NIPAL3: variants seen among roughly 807,000 people sequenced by gnomAD.
NIPAL3 encodes the protein NIPA like domain containing 3.
In NIPAL3, 41 loss-of-function variants were observed where a neutral mutation model predicts 47.2. The observed-to-expected ratio is 0.87, with a 90% confidence interval of 0.68 to 1.13. The LOEUF (loss-of-function observed/expected upper bound fraction) is 1.13, where lower values mean the gene tolerates loss of function less well. Ranked by LOEUF, NIPAL3 falls within the 50% of genes most tolerant of loss-of-function variation. NIPAL3 has a pLI of 0.00. For synonymous variants in NIPAL3, 194 were observed against 209.6 expected, an observed-to-expected ratio of 0.93 and a Z score of 0.64; for missense variants, 449 against 530.1, an observed-to-expected ratio of 0.85 and a Z score of 1.50.
intron 10 of NIPAL3, among the ~76,000 whole-genome samples, chr1:24,461,499 G>A (rs898358843): frequency 4.7e-5 from 7 of 149,016 alleles, no homozygotes; most frequent in East Asian, 2.0e-4. Flanking sequence ...CCGAGATTGC[G>A]CCATTGCAGT....
intron 11 of NIPAL3, chr1:24,466,163 G>T: frequency 6.8e-7 from 1 of 1,468,058 alleles, no homozygotes; most frequent in Admixed American, 2.0e-5. Flanking sequence ...AACTAGCCTG[G>T]CACTCTCAGC....
intron 5 of NIPAL3, among the ~76,000 whole-genome samples, chr1:24,446,089 TG>T (rs1557515005): frequency 1.6e-5 from 2 of 128,354 alleles, no homozygotes; most frequent in Non-Finnish European, 3.0e-5. Context: ...TGTGTGTGTG[TG>T]TGTGTGTGTG....
chr1:24,419,670 G>C, intron 2 of NIPAL3, 30 bp downstream of exon 2: 1 of 1,598,930 alleles, frequency 6.3e-7, no homozygotes, highest in Non-Finnish European at 8.6e-7. Context: ...TTGGGAATTT[G>C]TATTTTCCTA....
intron 10 of NIPAL3, 66 bp from the exon 11 acceptor site, chr1:24,463,960 G>C: frequency 7.2e-7 from 1 of 1,384,108 alleles, no homozygotes; most frequent in Non-Finnish European, 1.0e-6. Context: ...ACCTGAGCCT[G>C]AAAGTGTGCC....
At position 24,471,634 on chromosome 1, in the gene NIPAL3, A is replaced by G. The variant is rs1158448472; in HGVS notation, c.*2449A>G. The G allele has an allele frequency of 2.0e-5, 3 of 150,982 alleles. No homozygotes were observed. The highest frequency in any genetic ancestry group is 4.4e-5 in the Non-Finnish European group (3 of 68,032). The allele number at this position is 150,982 out of a possible 1,614,324, so 9.4% of individuals were successfully genotyped here. A position where few individuals can be genotyped will look rare whatever the true frequency, so the allele number is the denominator to read the frequency against. ...GGAGGCCGAATCATGGAGGGTCTTG[A>G]ATACCTGGCTAAGGAGTTTAAAGTG... On this transcript the variant is annotated 3_prime_UTR_variant, in exon 12 of 12. Transcript: ENST00000374399.
intron 11 of NIPAL3, among the ~76,000 whole-genome samples, chr1:24,467,520 C>G (rs115998709): frequency 0.021 from 3,267 of 152,170 alleles, 115 homozygotes; most frequent in African/African-American, 0.074. Flanking sequence ...CAAGTTGAAA[C>G]CCCCGAGTTT....
In NIPAL3 at chr1:24,454,294, G is replaced by A. The variant is rs934801113; in HGVS notation, c.637+790G>A. The A allele has an allele frequency of 1.7e-6, 2 of 1,162,690 alleles. No individual in the cohort carries two copies. The highest frequency in any genetic ancestry group is 2.1e-6 in the Non-Finnish European group (2 of 930,990). The allele number at this position is 1,162,690 out of a possible 1,614,324, so 72.0% of individuals were successfully genotyped here. A position where few individuals can be genotyped will look rare whatever the true frequency, so the allele number is the denominator to read the frequency against. On this transcript the variant is annotated intron_variant, in intron 7 of 11. Transcript: ENST00000374399. This position sits in a 1 kb window ranked among gnomAD's most constrained non-coding sequence, Gnocchi z 4.1. ...GGAGCAGGCTGGTGTCAGGGCTGGTGAAGCCTGCTACCGCGCTGCTCTTGA... is the reference window on the plus strand; with the variant it reads ...GGAGCAGGCTGGTGTCAGGGCTGGTAAAGCCTGCTACCGCGCTGCTCTTGA...
rs368324838 is a variant in NIPAL3 at position 24,441,298 on chromosome 1, C to A, written c.163-757C>A. ...ATGTTTCTGTGTGTCGCTGAGACCA[C>A]GTGGTCTCTTAGCTACTTGTCTGGT... On this transcript the variant is annotated intron_variant, in intron 3 of 11. Coordinates refer to ENST00000374399, the MANE Select transcript of NIPAL3 (RefSeq NM_020448.5). 3.6e-4 allele frequency among the ~76,000 whole-genome samples: 55 copies of A among 152,268 alleles called. No individual in the cohort carries two copies. In the South Asian group the frequency reaches 0.011, roughly 31 times the overall value.
intron 10 of NIPAL3, among the ~76,000 whole-genome samples, chr1:24,462,504 C>T (rs544701021): frequency 1.2e-4 from 18 of 152,282 alleles, no homozygotes; most frequent in African/African-American, 3.1e-4. Context: ...CAGTGGCTCA[C>T]GCCTGTAATC....
chr1:24,469,425 C>G lies in NIPAL3; in HGVS notation c.*240C>G. The G allele has an allele frequency of 2.1e-6, 1 of 479,908 alleles. No individual in the cohort carries two copies. The highest frequency in any genetic ancestry group is 3.7e-6 in the Non-Finnish European group (1 of 268,604). The allele number at this position is 479,908 out of a possible 1,614,324, so 29.7% of individuals were successfully genotyped here. A position where few individuals can be genotyped will look rare whatever the true frequency, so the allele number is the denominator to read the frequency against. ...GGACGGGATAGAATCCAGCCTCTGC[C>G]TGGATTAGCCCAGGGGGATTTGGAA... On this transcript the variant is annotated 3_prime_UTR_variant, in exon 12 of 12. Coordinates refer to ENST00000374399, the MANE Select transcript of NIPAL3 (RefSeq NM_020448.5).
chr1:24,430,120 A>C (rs904202079), intron 2 of NIPAL3, among the ~76,000 whole-genome samples: 1 of 152,228 alleles, frequency 6.6e-6, no homozygotes, highest in Admixed American at 6.5e-5. Context: ...GGTAGAGTTT[A>C]GCATCTATTC....
chr1:24,467,606 G>T (rs1366586207), intron 11 of NIPAL3, among the ~76,000 whole-genome samples: 3 of 152,178 alleles, frequency 2.0e-5, no homozygotes, highest in African/African-American at 7.2e-5. Flanking sequence ...CTTCATTTTC[G>T]TTATTAGTCA....
chr1:24,428,322 A>G (rs2148769809), intron 2 of NIPAL3, among the ~76,000 whole-genome samples: 1 of 142,856 alleles, frequency 7.0e-6, no homozygotes, highest in East Asian at 2.1e-4. Context: ...CCTTTCCCCA[A>G]AGCCAGCTAT....
chr1:24,458,709 G>A (rs1646335563), intron 8 of NIPAL3, among the ~76,000 whole-genome samples, 179 bp from the exon 9 acceptor site: 1 of 152,202 alleles, frequency 6.6e-6, no homozygotes, highest in East Asian at 1.9e-4. Flanking sequence ...TGGGAATCAA[G>A]TATGGGCCCC....
intron 11 of NIPAL3, chr1:24,465,158 G>C (rs1646642693): frequency 6.6e-6 from 1 of 152,226 alleles, no homozygotes; most frequent in Non-Finnish European, 1.5e-5. Context: ...AAATGAAGGA[G>C]CTCTGAGTTG....
Position 24,469,168 on chromosome 1 carries a change from C to G in NIPAL3, c.1204C>G (p.His402Asp). ...ASGVPYRVLEHTKKE is the reference protein window; with the variant it reads ...ASGVPYRVLEDTKKE The stretch of plus-strand genomic sequence containing the variant: ...TGGGGTCCCCTACCGAGTCCTAGAG[C>G]ACACCAAGAAGGAATGAGACTCGCC... Residue 402 changes from histidine to aspartate, a missense_variant, in exon 12 of 12, where the codon CAC (histidine) becomes GAC (aspartate). By Grantham distance (81) the His-to-Asp change is moderately conservative. Transcript: ENST00000374399. 6.2e-7 allele frequency: 1 copy of G among 1,613,704 alleles called. No homozygotes were observed. The highest frequency in any genetic ancestry group is 8.5e-7 in the Non-Finnish European group (1 of 1,179,928).
At chr1:24,447,714 A>G (rs1380188110) in intron 5 of NIPAL3, among the ~76,000 whole-genome samples, 1 of 152,236 alleles carries the variant, frequency 6.6e-6, no homozygotes, top group East Asian at 1.9e-4. Context: ...TCCCTTTGGG[A>G]ATACTCTAGG....
At chr1:24,463,575 C>A (rs1192494042) in intron 10 of NIPAL3, among the ~76,000 whole-genome samples, 3 of 152,112 alleles carry the variant, frequency 2.0e-5, no homozygotes, top group South Asian at 2.1e-4. Context: ...CAAAAAATAA[C>A]CTGGAAGGCT....
At chr1:24,460,660 T>A in intron 10 of NIPAL3, 116 bp downstream of exon 10, 1 of 816,598 alleles carries the variant, frequency 1.2e-6, no homozygotes, top group Non-Finnish European at 1.8e-6. Flanking sequence ...AGAGGAGCTG[T>A]GGGGTTTTGG....
Sources: gnomAD v4.1 joint callset for allele counts (sites outside exome capture counted in the v4.1 genomes callset) on GRCh38, gnomAD v4.1.1 for gene constraint, Gnocchi (gnomAD v3.1) non-coding constraint, MANE v1.5 for transcripts, NCBI Gene and HGNC (gene_info 2026-07-23, HGNC 2026-07-21) for gene names.